Variants in SNX8 observed in about 807,000 individuals in gnomAD.
SNX8 encodes the protein sorting nexin 8.
A neutral mutation model predicts 51.6 loss-of-function variants in SNX8; 25 were observed. That is an observed-to-expected ratio of 0.48 (90% CI 0.35 to 0.68). The LOEUF is 0.68. Ranked by LOEUF, SNX8 falls within the 30% of genes least tolerant of loss-of-function variation. The pLI is 0.00. For missense variants in SNX8, 695 were observed against 624.0 expected, an observed-to-expected ratio of 1.11 and a Z score of -1.21; for synonymous variants, 324 against 277.0, an observed-to-expected ratio of 1.17 and a Z score of -1.68.
intron 7 of SNX8, among the ~76,000 whole-genome samples, chr7:2,259,367 G>C (rs918978271): frequency 6.6e-6 from 1 of 152,202 alleles, no homozygotes; most frequent in Non-Finnish European, 1.5e-5. Context: ...TGAGCACCTC[G>C]GGGAGACCAA....
chr7:2,349,302 T>C (rs1053284361), intron 1 of SNX8, among the ~76,000 whole-genome samples: 5 of 152,128 alleles, frequency 3.3e-5, no homozygotes, highest in Non-Finnish European at 5.9e-5. Flanking sequence ...GCATATGGTA[T>C]ATTGGCATAA....
intron 1 of SNX8, among the ~76,000 whole-genome samples, chr7:2,284,360 T>C (rs1343590463): frequency 6.6e-6 from 1 of 150,774 alleles, no homozygotes; most frequent in Non-Finnish European, 1.5e-5. Context: ...CGAAGTAGAA[T>C]GGAAATCAGG....
intron 1 of SNX8, among the ~76,000 whole-genome samples, chr7:2,320,211 CGG>C (rs2115223809): frequency 6.6e-6 from 1 of 151,412 alleles, no homozygotes; most frequent in South Asian, 2.1e-4. Flanking sequence ...CAAAATTAGC[CGG>C]GCATGGTGTC....
At chr7:2,352,752 C>A (rs1475388631) in intron 1 of SNX8, among the ~76,000 whole-genome samples, 1 of 151,914 alleles carries the variant, frequency 6.6e-6, no homozygotes, top group Admixed American at 6.6e-5. Flanking sequence ...AAGAGAATGG[C>A]GTGAACCCGG....
At chr7:2,342,643 G>C (rs1463487713) in intron 1 of SNX8, among the ~76,000 whole-genome samples, 4 of 148,506 alleles carry the variant, frequency 2.7e-5, no homozygotes, top group African/African-American at 9.9e-5. Context: ...GACAGAGCGA[G>C]ACTCCATCTC....
At position 2,335,510 on chromosome 7, in the gene SNX8, T is replaced by G. The variant is rs1251041339; in HGVS notation, c.-66+18712A>C. Among the ~76,000 whole-genome samples the G allele has an allele frequency of 3.4e-5, 5 of 148,932 alleles. No individual in the cohort carries two copies. The Admixed American group carries it at 3.4e-4, about 10-fold the overall frequency. On this transcript the variant is annotated intron_variant, in intron 1 of 5. Transcript: ENST00000435336. ...TAAAAAAAAGAAAGAAACAATATGC[T>G]GAGTGAAAGTAGCCAGGCGCGGTGG...
chr7:2,291,043 C>G (rs184871757), intron 1 of SNX8, among the ~76,000 whole-genome samples: 1 of 152,292 alleles, frequency 6.6e-6, no homozygotes, highest in East Asian at 1.9e-4. Context: ...CCTGCAATCC[C>G]AGAACTTTGG....
At chr7:2,265,196 G>C (rs970590893) in intron 5 of SNX8, among the ~76,000 whole-genome samples, 1 of 152,102 alleles carries the variant, frequency 6.6e-6, no homozygotes, top group African/African-American at 2.4e-5. Flanking sequence ...CAAAAAATTA[G>C]CCGAGCCTGG....
chr7:2,352,281 T>C (rs1478041027), intron 1 of SNX8, among the ~76,000 whole-genome samples: 1 of 152,100 alleles, frequency 6.6e-6, no homozygotes, highest in African/African-American at 2.4e-5. Context: ...TTTGACTTCA[T>C]CTTGATTACA....
intron 1 of SNX8, among the ~76,000 whole-genome samples, chr7:2,284,345 G>A (rs116707094): frequency 0.023 from 3,405 of 149,280 alleles, 114 homozygotes; most frequent in African/African-American, 0.079. Flanking sequence ...TCCTGACCCC[G>A]CCCCCGAAGT....
chr7:2,285,201 G>C lies in SNX8; in HGVS notation c.95-6896C>G, dbSNP rs1452785884. 5.6e-5 allele frequency among the ~76,000 whole-genome samples: 7 copies of C among 125,746 alleles called. No individual in the cohort carries two copies. The Admixed American group carries it at 7.2e-4, about 13-fold the overall frequency. 82.5% of individuals were successfully genotyped at this position (125,746 alleles called of 152,430 possible). On this transcript the variant is annotated intron_variant, in intron 1 of 10. Transcript: ENST00000222990. The stretch of plus-strand genomic sequence containing the variant: ...CACTCCAGCCTGGGTGACAGAGCAA[G>C]ACTCCGTCTCAAAAAAAAAAAAAAA...
intron 1 of SNX8, among the ~76,000 whole-genome samples, chr7:2,285,024 A>G (rs960949839): frequency 7.9e-5 from 12 of 151,914 alleles, no homozygotes; most frequent in East Asian, 7.8e-4. Flanking sequence ...CATCCTGGCT[A>G]ACACGATGAA....
intron 10 of SNX8, among the ~76,000 whole-genome samples, chr7:2,256,213 C>G (rs1795174146): frequency 6.6e-6 from 1 of 152,212 alleles, no homozygotes; most frequent in Non-Finnish European, 1.5e-5. Context: ...CTGCCATTCC[C>G]AAAGTGCTGG....
At chr7:2,334,479 C>T (rs1040625491) in intron 1 of SNX8, among the ~76,000 whole-genome samples, 1 of 151,716 alleles carries the variant, frequency 6.6e-6, no homozygotes, top group Admixed American at 6.6e-5. Flanking sequence ...GGGCGGATCA[C>T]TTGAGGTCAG....
Position 2,254,556 on chromosome 7 carries a change from G to A in SNX8, c.*500C>T, listed in dbSNP as rs546608703. ...AATTTCCCTAGAAAATTCACCGTGC[G>A]TGCCCCACGCCCAATGGCCCTCCCT... On this transcript the variant is annotated 3_prime_UTR_variant, in exon 11 of 11. Coordinates refer to ENST00000222990, the MANE Select transcript of SNX8 (RefSeq NM_013321.4). The A allele has an allele frequency of 6.3e-5, 11 of 175,732 alleles. No homozygotes were observed. Among genetic ancestry groups the A allele is most frequent in the African/African-American group, 1.2e-4 (5 of 41,796 alleles). The allele number at this position is 175,732 out of a possible 1,614,324, so 10.9% of individuals were successfully genotyped here.
chr7:2,344,109 CAGA>C (rs1457387011), intron 1 of SNX8, among the ~76,000 whole-genome samples: 2 of 151,148 alleles, frequency 1.3e-5, no homozygotes, highest in Non-Finnish European at 1.5e-5. Context: ...GTGGCTGAGG[CAGA>C]AGGATTCCTT....
intron 10 of SNX8, among the ~76,000 whole-genome samples, chr7:2,256,255 G>A (rs935441051): frequency 6.6e-6 from 1 of 152,200 alleles, no homozygotes; most frequent in Non-Finnish European, 1.5e-5. Flanking sequence ...ACCTCCCGGG[G>A]ACAGTGTGGA....
chr7:2,312,168 C>A (rs1796671028), intron 1 of SNX8, among the ~76,000 whole-genome samples: 1 of 152,082 alleles, frequency 6.6e-6, no homozygotes, highest in Non-Finnish European at 1.5e-5. Flanking sequence ...AAGCCAACTA[C>A]CTACAGGAAT....
chr7:2,319,935 A>G (rs2115223515), intron 1 of SNX8, among the ~76,000 whole-genome samples: 1 of 151,118 alleles, frequency 6.6e-6, no homozygotes, highest in East Asian at 2.0e-4. Flanking sequence ...AGCCGAGATC[A>G]TGCCACTGCA....
Sources: gnomAD v4.1 joint callset for allele counts (sites outside exome capture counted in the v4.1 genomes callset) on GRCh38, gnomAD v4.1.1 for gene constraint, MANE v1.5 for transcripts, NCBI Gene and HGNC (gene_info 2026-07-23, HGNC 2026-07-21) for gene names.